EPC1: variants seen among roughly 807,000 people sequenced by gnomAD.
EPC1 encodes the protein enhancer of polycomb 1.
A neutral mutation model predicts 98.4 loss-of-function variants in EPC1; 12 were observed. The observed-to-expected ratio is 0.12, with a 90% CI of 0.08 to 0.20. The LOEUF is 0.20. EPC1 is among the 10% of genes least tolerant of loss of function. The pLI is 1.00. For synonymous variants in EPC1, 357 were observed against 363.9 expected (o/e 0.98, Z 0.21); for missense variants, 729 against 990.5 (o/e 0.74, Z 3.54).
intron 10 of EPC1, among the ~76,000 whole-genome samples, chr10:32,279,912 T>C (rs1836310078): frequency 6.6e-6 from 1 of 152,142 alleles, no homozygotes; most frequent in South Asian, 2.1e-4. Flanking sequence ...CAAAATTCCA[T>C]ATACACATAC....
intron 1 of EPC1, chr10:32,345,327 A>ACTACTTGACACTACTCTTAAG: frequency 2.0e-6 from 2 of 985,458 alleles, no homozygotes; most frequent in South Asian, 4.7e-5. Flanking sequence ...TCTCAAAAGT[A>ACTACTTGACACTACTCTTAAG]ACATTTCACT....
intron 1 of EPC1, among the ~76,000 whole-genome samples, chr10:32,333,810 G>A (rs577485406): frequency 4.6e-5 from 7 of 152,254 alleles, no homozygotes; most frequent in African/African-American, 9.6e-5. Context: ...AGGTAGTAAC[G>A]GGCGTATCTC....
At chr10:32,288,146 G>T (rs936692865) in intron 6 of EPC1, among the ~76,000 whole-genome samples, 1 of 151,748 alleles carries the variant, frequency 6.6e-6, no homozygotes, top group Non-Finnish European at 1.5e-5. Context: ...GGAAAACTAC[G>T]GTTTTCCCAA....
intron 6 of EPC1, among the ~76,000 whole-genome samples, chr10:32,287,988 A>G (rs1381273208): frequency 1.3e-5 from 2 of 152,218 alleles, no homozygotes; most frequent in African/African-American, 4.8e-5. Context: ...AGAAGTATGA[A>G]TTTGATACGT....
intron 13 of EPC1, among the ~76,000 whole-genome samples, chr10:32,270,523 C>T (rs1835786983): frequency 6.6e-6 from 1 of 152,072 alleles, no homozygotes; most frequent in Non-Finnish European, 1.5e-5. Context: ...TAAGTCTTTA[C>T]ATTAATAAGA....
At chr10:32,311,273 G>A (rs927027940) in intron 1 of EPC1, among the ~76,000 whole-genome samples, 10 of 150,598 alleles carry the variant, frequency 6.6e-5, no homozygotes, top group South Asian at 4.2e-4. Flanking sequence ...AGATTGCACC[G>A]CTGCACTCCA....
intron 1 of EPC1, among the ~76,000 whole-genome samples, chr10:32,355,085 A>ATCCC (rs916819747): frequency 1.3e-5 from 2 of 152,172 alleles, no homozygotes; most frequent in African/African-American, 4.8e-5. Context: ...TCATAGGGGG[A>ATCCC]GCACTCCCTC....
intron 1 of EPC1, among the ~76,000 whole-genome samples, chr10:32,370,686 T>C (rs1347938425): frequency 6.6e-6 from 1 of 152,212 alleles, no homozygotes; most frequent in Non-Finnish European, 1.5e-5. Flanking sequence ...GCCATAAATC[T>C]GTGCTGTCCG....
At chr10:32,295,030 AT>A (rs1285882572) in intron 2 of EPC1, among the ~76,000 whole-genome samples, 2 of 151,690 alleles carry the variant, frequency 1.3e-5, no homozygotes, top group African/African-American at 4.8e-5. Flanking sequence ...TCCTTTTTTG[AT>A]TTTTCCCCAC....
chr10:32,308,316 G>A (rs1263918380), intron 1 of EPC1, among the ~76,000 whole-genome samples: 1 of 152,036 alleles, frequency 6.6e-6, no homozygotes, highest in African/African-American at 2.4e-5. Flanking sequence ...CTTGAATCTG[G>A]GAGGCGGAGG....
intron 1 of EPC1, among the ~76,000 whole-genome samples, chr10:32,333,407 A>C (rs1266209239): frequency 6.6e-6 from 1 of 152,214 alleles, no homozygotes; most frequent in Non-Finnish European, 1.5e-5. Context: ...TGATTTAGCA[A>C]AGGAGAGTTT....
At chr10:32,360,692 G>C (rs1839419001) in intron 1 of EPC1, among the ~76,000 whole-genome samples, 1 of 152,120 alleles carries the variant, frequency 6.6e-6, no homozygotes, top group Admixed American at 6.5e-5. Context: ...CCGGAAGTTC[G>C]AGACCAGCTT....
chr10:32,290,505 A>AAAAAAAAAAAAAAAAGAAAGAAAG (rs1554819136), intron 6 of EPC1, among the ~76,000 whole-genome samples: 5 of 77,476 alleles, frequency 6.5e-5, no homozygotes, highest in East Asian at 4.7e-4. Context: ...AAAAAAAAAA[A>AAAAAAAAAAAAAAAAGAAAGAAAG]AAAGAAAGAA....
intron 1 of EPC1, among the ~76,000 whole-genome samples, chr10:32,358,393 C>T (rs540970470): frequency 6.6e-6 from 1 of 151,824 alleles, no homozygotes; most frequent in African/African-American, 2.4e-5. Flanking sequence ...CCTTTAAACC[C>T]AGCACTTTTC....
intron 1 of EPC1, among the ~76,000 whole-genome samples, chr10:32,353,275 T>C (rs1839177778): frequency 6.6e-6 from 1 of 151,954 alleles, no homozygotes; most frequent in South Asian, 2.1e-4. Context: ...GGGTTGGTAA[T>C]GAAGGGCAAA....
intron 1 of EPC1, among the ~76,000 whole-genome samples, chr10:32,329,029 G>C (rs1160443326): frequency 6.6e-6 from 1 of 152,236 alleles, no homozygotes; most frequent in Non-Finnish European, 1.5e-5. Flanking sequence ...TTTTCTCTGT[G>C]AGAAGAAGGG....
At chr10:32,310,507 A>T (rs1178797056) in intron 1 of EPC1, among the ~76,000 whole-genome samples, 1 of 152,192 alleles carries the variant, frequency 6.6e-6, no homozygotes, top group African/African-American at 2.4e-5. Flanking sequence ...CTGTAGAAAA[A>T]AACTTCCCTT....
chr10:32,333,458 C>CA (rs1457051165), intron 1 of EPC1, among the ~76,000 whole-genome samples: 2 of 152,028 alleles, frequency 1.3e-5, no homozygotes, highest in Non-Finnish European at 2.9e-5. Flanking sequence ...CTATATACAG[C>CA]AAAAAATGAG....
At chr10:32,335,063 G>C (rs114835313) in intron 1 of EPC1, among the ~76,000 whole-genome samples, 1 of 152,124 alleles carries the variant, frequency 6.6e-6, no homozygotes, top group African/African-American at 2.4e-5. Context: ...GAGTTCAAGC[G>C]GTCATCACTT....
Sources: gnomAD v4.1 joint callset for allele counts (sites outside exome capture counted in the v4.1 genomes callset) on GRCh38, gnomAD v4.1.1 for gene constraint, MANE v1.5 for transcripts, NCBI Gene and HGNC (gene_info 2026-07-23, HGNC 2026-07-21) for gene names.